Variants in NCEH1 observed in about 807,000 individuals in gnomAD.
NCEH1 encodes the protein neutral cholesterol ester hydrolase 1.
A neutral mutation model predicts 25.4 loss-of-function variants in NCEH1; 9 were observed. That is an observed-to-expected ratio of 0.35 (90% confidence interval 0.21 to 0.62). The LOEUF is 0.62. NCEH1 is among the 20% of genes least tolerant of loss of function. The pLI is 0.72. For missense variants in NCEH1, 412 were observed against 501.1 expected (o/e 0.82, Z 1.70); for synonymous variants, 200 against 199.8 (o/e 1.00, Z -0.01).
At chr3:172,653,474 T>C (rs1717510407) in intron 1 of NCEH1, among the ~76,000 whole-genome samples, 1 of 151,984 alleles carries the variant, frequency 6.6e-6, no homozygotes, top group South Asian at 2.1e-4. Flanking sequence ...CTTAGAGTAA[T>C]AGAGGAGAAC....
At chr3:172,664,478 C>T (rs140694205) in intron 1 of NCEH1, among the ~76,000 whole-genome samples, 1 of 152,316 alleles carries the variant, frequency 6.6e-6, no homozygotes, top group African/African-American at 2.4e-5. Context: ...GTGGCATTCT[C>T]TGTGTTTCCT....
rs1477366966 is a variant in NCEH1 at position 172,630,976 on chromosome 3, TATC to T, written c.*2496_*2498del. 3 of 151,906 alleles carry T rather than the reference TATC, an allele frequency of 2.0e-5. No homozygotes were observed. Among genetic ancestry groups the T allele is most frequent in the Non-Finnish European group, 4.4e-5 (3 of 68,006 alleles). 9.4% of individuals were successfully genotyped at this position (151,906 alleles called of 1,614,324 possible). ...TTCACAGACAATTTTACAAAAAGAT[TATC>T]ATTTTTTTCATAAAATAGGAAAAGA... is the stretch of plus-strand genomic sequence containing the variant. On this transcript the variant is annotated 3_prime_UTR_variant, in exon 5 of 5. Coordinates refer to ENST00000475381, the MANE Select transcript of NCEH1 (RefSeq NM_020792.6).
rs576239909 is a variant in NCEH1, at chr3:172,633,383, G to A, written c.*92C>T. 5.0e-6 allele frequency: 6 copies of A among 1,192,262 alleles called. No individual in the cohort carries two copies. The East Asian group carries it at 1.2e-4, about 23-fold the overall frequency. The allele number at this position is 1,192,262 out of a possible 1,614,324, so 73.9% of individuals were successfully genotyped here. ...ATAACTCGCAAGTAGAGGGGAATGG[G>A]AGGAAGAATTAGTCAACTAAAAAGT... On this transcript the variant is annotated 3_prime_UTR_variant, in exon 5 of 5. Coordinates refer to ENST00000475381, the MANE Select transcript of NCEH1 (RefSeq NM_020792.6).
intron 1 of NCEH1, among the ~76,000 whole-genome samples, chr3:172,672,046 T>A (rs1711666257): frequency 6.6e-6 from 1 of 152,216 alleles, no homozygotes; most frequent in Non-Finnish European, 1.5e-5. Flanking sequence ...CAGAGCAAAT[T>A]CTACTCCTGC....
At chr3:172,647,114 A>T (rs943880407) in intron 2 of NCEH1, among the ~76,000 whole-genome samples, 9 of 140,528 alleles carry the variant, frequency 6.4e-5, no homozygotes, top group Non-Finnish European at 1.3e-4. Flanking sequence ...TGTTGCTTTT[A>T]AAAAAAAATC....
chr3:172,691,946 C>CAAAAAAAAAAA (rs61592238), intron 1 of NCEH1, among the ~76,000 whole-genome samples: 8 of 79,984 alleles, frequency 1.0e-4, no homozygotes, highest in Admixed American at 1.9e-4. Context: ...GACTCCGTCT[C>CAAAAAAAAAAA]AAAAAAAAAA....
intron 3 of NCEH1, among the ~76,000 whole-genome samples, chr3:172,638,504 G>T (rs6771182): frequency 0.018 from 2,182 of 122,656 alleles, 52 homozygotes; most frequent in African/African-American, 0.064. Flanking sequence ...TCCACTAGAT[G>T]ACATCATTTC....
At chr3:172,693,631 T>G (rs569017543) in intron 1 of NCEH1, among the ~76,000 whole-genome samples, 2 of 152,214 alleles carry the variant, frequency 1.3e-5, no homozygotes, top group African/African-American at 2.4e-5. Context: ...TTTAGAGTAA[T>G]TGAACATCAC....
At chr3:172,707,956 AACC>A (rs1397355479) in intron 1 of NCEH1, among the ~76,000 whole-genome samples, 1 of 152,218 alleles carries the variant, frequency 6.6e-6, no homozygotes, top group East Asian at 1.9e-4. Context: ...TATGTGGTGT[AACC>A]TGGGCATCAA....
intron 1 of NCEH1, among the ~76,000 whole-genome samples, chr3:172,674,378 G>A (rs35209702): frequency 0.14 from 20,593 of 150,178 alleles, 1,591 homozygotes; most frequent in East Asian, 0.19. Context: ...GGGAGGCGGA[G>A]GTTGCAGTGA....
At chr3:172,709,955 G>A (rs1435264089) in intron 1 of NCEH1, among the ~76,000 whole-genome samples, 1 of 152,170 alleles carries the variant, frequency 6.6e-6, no homozygotes, top group Non-Finnish European at 1.5e-5. Flanking sequence ...AGCCTTGGCT[G>A]CAGACTGTAG....
chr3:172,708,602 C>T (rs1714134757), intron 1 of NCEH1, among the ~76,000 whole-genome samples: 1 of 152,168 alleles, frequency 6.6e-6, no homozygotes, highest in Non-Finnish European at 1.5e-5. Context: ...CGTGATCCAC[C>T]CGCCTCGGCC....
At chr3:172,646,856 CCTT>C (rs1717140708) in intron 2 of NCEH1, among the ~76,000 whole-genome samples, 2 of 152,120 alleles carry the variant, frequency 1.3e-5, no homozygotes, top group African/African-American at 2.4e-5. Context: ...GGCAGAAACT[CCTT>C]CTTATTCATT....
chr3:172,691,785 T>C (rs1424388352), intron 1 of NCEH1, among the ~76,000 whole-genome samples: 1 of 152,194 alleles, frequency 6.6e-6, no homozygotes, highest in East Asian at 1.9e-4. Context: ...CCATCTCTAC[T>C]AAAAATACAA....
chr3:172,687,611 G>A (rs1369953052), intron 1 of NCEH1, among the ~76,000 whole-genome samples: 1 of 152,210 alleles, frequency 6.6e-6, no homozygotes, highest in Non-Finnish European at 1.5e-5. Context: ...TCAGGGAGTA[G>A]GGAGTCTTGT....
rs773200247 is a variant in NCEH1 at position 172,648,076 on chromosome 3, C to T, written c.177G>A (p.Leu59=). 7.4e-6 allele frequency: 12 copies of T among 1,614,116 alleles called. No individual in the cohort carries two copies. The highest frequency in any genetic ancestry group is 1.0e-5 in the Non-Finnish European group (12 of 1,180,020). ...LIHYLGLSHH[L]LALNFIIVSF... Reference sequence around the variant, plus strand: ...AAACAATGATAAAATTCAGTGCCAGCAGGTGATGGCTCAGTCCCAGGTAGT... The same window carrying T: ...AAACAATGATAAAATTCAGTGCCAGTAGGTGATGGCTCAGTCCCAGGTAGT... Residue 59 remains leucine, a synonymous_variant, in exon 2 of 5, where the codon CTG becomes CTA. Transcript: ENST00000475381.
chr3:172,701,771 GC>G (rs1713710124), intron 1 of NCEH1, among the ~76,000 whole-genome samples: 1 of 151,838 alleles, frequency 6.6e-6, no homozygotes, highest in African/African-American at 2.4e-5. Context: ...GCCTACTTTT[GC>G]TTTCTTACAT....
chr3:172,636,392 C>CGAAT (rs5854477), intron 3 of NCEH1, among the ~76,000 whole-genome samples: 43,761 of 151,500 alleles, frequency 0.29, 6,355 homozygotes, highest in Non-Finnish European at 0.32. Flanking sequence ...AAGTAAAAGG[C>CGAAT]GAATGTTCAT....
chr3:172,705,229 G>C (rs6808075), intron 1 of NCEH1, among the ~76,000 whole-genome samples: 2,560 of 152,184 alleles, frequency 0.017, 75 homozygotes, highest in African/African-American at 0.059. Context: ...GGCTGCTCTC[G>C]AACTCCCGAC....
Sources: gnomAD v4.1 joint callset for allele counts (sites outside exome capture counted in the v4.1 genomes callset) on GRCh38, gnomAD v4.1.1 for gene constraint, MANE v1.5 for transcripts, NCBI Gene and HGNC (gene_info 2026-07-23, HGNC 2026-07-21) for gene names.